The following PRTFDC1 variants were observed in gnomAD, a reference collection of about 807,000 sequenced individuals.
PRTFDC1 encodes the protein phosphoribosyltransferase domain-containing protein 1.
A neutral mutation model predicts 34.6 loss-of-function variants in PRTFDC1; 38 were observed. The ratio of observed to expected loss-of-function variants is 1.10; its 90% CI spans 0.85 to 1.44. The LOEUF is 1.44. Among genes scored for constraint, PRTFDC1 ranks in the 40% most tolerant of loss-of-function variants. The pLI, the probability that PRTFDC1 is intolerant of heterozygous loss-of-function variation, is 0.00. For missense variants in PRTFDC1, 270 were observed against 283.0 expected, an observed-to-expected ratio of 0.95 and a Z score of 0.33; for synonymous variants, 93 against 98.1, an observed-to-expected ratio of 0.95 and a Z score of 0.31.
rs1398456702 is a variant in PRTFDC1, at chr10:24,867,277, G to A, written c.405+4721C>T. ...TCCCTCCTTCATTTAACTCTGTCAC[G>A]GCTCCTTTTGATACCACGATTCCTT... On this transcript the variant is annotated intron_variant, in intron 4 of 8. Coordinates refer to ENST00000320152, the MANE Select transcript of PRTFDC1 (RefSeq NM_020200.7). Among the ~76,000 whole-genome samples, 6 of 152,052 alleles carry A rather than the reference G, an allele frequency of 3.9e-5. No homozygotes were observed. The East Asian group carries it at 7.7e-4, about 20-fold the overall frequency.
At chr10:24,934,820 G>C (rs1466025501) in intron 3 of PRTFDC1, among the ~76,000 whole-genome samples, 1 of 152,180 alleles carries the variant, frequency 6.6e-6, no homozygotes, top group Non-Finnish European at 1.5e-5. Context: ...CCTGAGGGCT[G>C]TGTCACAGGT....
chr10:24,919,073 T>C (rs1848741598), intron 3 of PRTFDC1, among the ~76,000 whole-genome samples: 1 of 152,186 alleles, frequency 6.6e-6, no homozygotes, highest in Non-Finnish European at 1.5e-5. Flanking sequence ...TGAAATAATA[T>C]TTATAAGGCA....
chr10:24,851,506 T>C lies in PRTFDC1; in HGVS notation c.554-42A>G, dbSNP rs187629264. 881 of 1,584,732 alleles carry C rather than the reference T, an allele frequency of 5.6e-4. 2 individuals carry two copies. Among genetic ancestry groups the C allele is most frequent in the Non-Finnish European group, 6.0e-4 (709 of 1,174,900 alleles). ...AGAGAAAAAAAAAAAGGAACAAAATTTAGATTATATAAATGCAAGTCACCA... is the reference window on the plus strand; with the variant it reads ...AGAGAAAAAAAAAAAGGAACAAAATCTAGATTATATAAATGCAAGTCACCA... On this transcript the variant is annotated intron_variant, in intron 7 of 8. Transcript: ENST00000320152.
intron 3 of PRTFDC1, among the ~76,000 whole-genome samples, chr10:24,873,737 C>T (rs1185129153): frequency 6.6e-6 from 1 of 152,066 alleles, no homozygotes; most frequent in African/African-American, 2.4e-5. Flanking sequence ...GATTCTCTCA[C>T]TTGTAACTGT....
intron 4 of PRTFDC1, among the ~76,000 whole-genome samples, chr10:24,867,194 C>T (rs1482564157): frequency 6.6e-6 from 1 of 152,074 alleles, no homozygotes; most frequent in Non-Finnish European, 1.5e-5. Context: ...GCTATTTCCC[C>T]ATGTTTTATA....
chr10:24,952,410 G>C lies in PRTFDC1; in HGVS notation c.48+118C>G. The C allele has an allele frequency of 8.3e-7, 1 of 1,200,008 alleles. No homozygotes were observed. The highest frequency in any genetic ancestry group is 1.5e-5 in the African/African-American group (1 of 66,160). 74.3% of individuals were successfully genotyped at this position (1,200,008 alleles called of 1,614,324 possible). A position where few individuals can be genotyped will look rare whatever the true frequency, so the allele number is the denominator to read the frequency against. On this transcript the variant is annotated intron_variant, in intron 1 of 8. Coordinates refer to ENST00000320152, the MANE Select transcript of PRTFDC1 (RefSeq NM_020200.7). This position sits in a 1 kb window ranked among gnomAD's most constrained non-coding sequence, Gnocchi z 5.1. ...GATGGAAGCGATCCCCGCCGGGAGG[G>C]AGAACAAAGCGGTGGCCCTCTCTCT... is the stretch of plus-strand genomic sequence containing the variant.
intron 2 of PRTFDC1, among the ~76,000 whole-genome samples, chr10:24,939,546 A>G (rs1400654893): frequency 6.6e-6 from 1 of 151,934 alleles, no homozygotes; most frequent in Non-Finnish European, 1.5e-5. Context: ...TAATCCCAGC[A>G]CTTTGGGAGG....
At chr10:24,946,613 T>A (rs931602724) in intron 1 of PRTFDC1, among the ~76,000 whole-genome samples, 30 of 152,306 alleles carry the variant, frequency 2.0e-4, no homozygotes, top group African/African-American at 7.0e-4. Flanking sequence ...TCTCTTAGTG[T>A]ATTCATCTAT....
At chr10:24,863,876 G>A (rs895924946) in intron 4 of PRTFDC1, among the ~76,000 whole-genome samples, 1 of 151,964 alleles carries the variant, frequency 6.6e-6, no homozygotes, top group Non-Finnish European at 1.5e-5. Context: ...AGTAGTTTGA[G>A]ACCAGCCTGG....
chr10:24,891,493 A>T (rs1386908715), intron 3 of PRTFDC1, among the ~76,000 whole-genome samples: 1 of 152,154 alleles, frequency 6.6e-6, no homozygotes, highest in Non-Finnish European at 1.5e-5. Flanking sequence ...TTCCTTAAAA[A>T]TAAAAAAGAC....
chr10:24,904,922 A>G (rs1848508424), intron 3 of PRTFDC1, among the ~76,000 whole-genome samples: 1 of 152,144 alleles, frequency 6.6e-6, no homozygotes, highest in Non-Finnish European at 1.5e-5. Flanking sequence ...TCTTATCAAG[A>G]TATCTCTACA....
rs1270430438 is a variant in PRTFDC1, at chr10:24,848,971, C to A, written c.*873G>T. 6.6e-6 allele frequency: 1 copy of A among 152,174 alleles called. No homozygotes were observed. The highest frequency in any genetic ancestry group is 1.5e-5 in the Non-Finnish European group (1 of 68,026). 9.4% of individuals were successfully genotyped at this position (152,174 alleles called of 1,614,324 possible). On this transcript the variant is annotated 3_prime_UTR_variant, in exon 9 of 9. Transcript: ENST00000320152. The stretch of plus-strand genomic sequence containing the variant: ...TCTTCACATTTAGGACAGGGCATAA[C>A]AGTGTCTTGTCCTTTCATGCAAATA...
chr10:24,861,053 T>C (rs1300714103), intron 4 of PRTFDC1, among the ~76,000 whole-genome samples: 3 of 152,046 alleles, frequency 2.0e-5, no homozygotes, highest in Non-Finnish European at 4.4e-5. Flanking sequence ...TGCAAAACAA[T>C]AGAGTCATCT....
chr10:24,888,892 G>C lies in PRTFDC1; in HGVS notation c.340-16829C>G, dbSNP rs373199102. Among the ~76,000 whole-genome samples the C allele has an allele frequency of 3.5e-4, 53 of 152,282 alleles. No individual in the cohort carries two copies. The South Asian group carries it at 3.5e-3, about 10-fold the overall frequency. On this transcript the variant is annotated intron_variant, in intron 3 of 8. Coordinates refer to ENST00000320152, the MANE Select transcript of PRTFDC1 (RefSeq NM_020200.7). Reference sequence around the variant, plus strand: ...GTGGAAAAAGAAATTATTATGATCAGCTGGAATAATTGACTTAACCAGTTA... The same window carrying C: ...GTGGAAAAAGAAATTATTATGATCACCTGGAATAATTGACTTAACCAGTTA...
Position 24,952,480 on chromosome 10 carries a change from G to C in PRTFDC1, c.48+48C>G. The C allele has an allele frequency of 6.5e-7, 1 of 1,543,496 alleles. No homozygotes were observed. The highest frequency in any genetic ancestry group is 8.8e-7 in the Non-Finnish European group (1 of 1,136,646). On this transcript the variant is annotated intron_variant, in intron 1 of 8. Coordinates refer to ENST00000320152, the MANE Select transcript of PRTFDC1 (RefSeq NM_020200.7). This position sits in a 1 kb window ranked among gnomAD's most constrained non-coding sequence, Gnocchi z 5.1. ...ATTTAATCTACAAGCAGGGTGCCAGGGAGGGAGGGGAGCGGGCCGAGCCCC... is the reference window on the plus strand; with the variant it reads ...ATTTAATCTACAAGCAGGGTGCCAGCGAGGGAGGGGAGCGGGCCGAGCCCC...
At chr10:24,884,084 G>A (rs1848125563) in intron 3 of PRTFDC1, among the ~76,000 whole-genome samples, 1 of 151,278 alleles carries the variant, frequency 6.6e-6, no homozygotes, top group African/African-American at 2.4e-5. Flanking sequence ...CACCTGCCTC[G>A]GCCTCCCAAA....
chr10:24,855,230 T>C, intron 7 of PRTFDC1, 88 bp downstream of exon 7: 1 of 1,361,330 alleles, frequency 7.3e-7, no homozygotes, highest in Non-Finnish European at 1.0e-6. Flanking sequence ...TGCTGTCAAA[T>C]AGGAAACCAA....
At chr10:24,896,990 G>T (rs1485106931) in intron 3 of PRTFDC1, among the ~76,000 whole-genome samples, 1 of 152,118 alleles carries the variant, frequency 6.6e-6, no homozygotes, top group Non-Finnish European at 1.5e-5. Flanking sequence ...TGGGAGAATT[G>T]CTTAAGTCCA....
chr10:24,943,124 T>C (rs1303407698), intron 1 of PRTFDC1, among the ~76,000 whole-genome samples: 2 of 151,046 alleles, frequency 1.3e-5, no homozygotes, highest in African/African-American at 4.9e-5. Flanking sequence ...ATACATGCAG[T>C]ATCATTATTA....
Sources: allele counts gnomAD v4.1 joint callset (sites outside exome capture counted in the v4.1 genomes callset), GRCh38; gene constraint gnomAD v4.1.1; non-coding constraint Gnocchi (gnomAD v3.1); transcripts MANE v1.5; gene names NCBI Gene and HGNC (gene_info 2026-07-23, HGNC 2026-07-21).